Variants in CTNNBIP1 observed in about 807,000 individuals in gnomAD.
CTNNBIP1 encodes the protein catenin beta interacting protein 1, also known as beta-catenin-interacting protein 1.
Under a neutral mutation model 11.8 loss-of-function variants are expected in CTNNBIP1, and 7 were observed. The observed-to-expected ratio is 0.60, with a 90% confidence interval of 0.34 to 1.12. The LOEUF (loss-of-function observed/expected upper bound fraction) is 1.12, where lower values mean the gene tolerates loss of function less well. Ranked by LOEUF, CTNNBIP1 falls within the 50% of genes most tolerant of loss-of-function variation. CTNNBIP1 has a pLI of 0.03. For missense variants in CTNNBIP1, 101 were observed against 113.4 expected (o/e 0.89, Z 0.50); for synonymous variants, 58 against 43.9 (o/e 1.32, Z -1.26).
Position 9,848,344 on chromosome 1 carries a change from C to T in CTNNBIP1, c.*2374G>A, listed in dbSNP as rs1489744230. ...TATATTTTTAGTTGAAATATGGAGCCACAGCAACACTTTGACTTTTCCTCT... is the reference window on the plus strand; with the variant it reads ...TATATTTTTAGTTGAAATATGGAGCTACAGCAACACTTTGACTTTTCCTCT... On this transcript the variant is annotated 3_prime_UTR_variant, in exon 6 of 6. Transcript: ENST00000377263. This position sits in a 1 kb window ranked among gnomAD's most constrained non-coding sequence, Gnocchi z 4.3. The T allele has an allele frequency of 6.6e-6, 1 of 152,162 alleles. No individual in the cohort carries two copies. Among genetic ancestry groups the T allele is most frequent in the African/African-American group, 2.4e-5 (1 of 41,424 alleles). 9.4% of individuals were successfully genotyped at this position (152,162 alleles called of 1,614,324 possible). A position where few individuals can be genotyped will look rare whatever the true frequency, so the allele number is the denominator to read the frequency against.
chr1:9,877,490 T>C (rs1488640573), intron 3 of CTNNBIP1, among the ~76,000 whole-genome samples: 2 of 152,254 alleles, frequency 1.3e-5, no homozygotes, highest in African/African-American at 2.4e-5. Flanking sequence ...GGAGCAAAGC[T>C]GCTCCTTCAG....
At chr1:9,901,687 G>C (rs1039942659) in intron 1 of CTNNBIP1, among the ~76,000 whole-genome samples, 4 of 152,190 alleles carry the variant, frequency 2.6e-5, no homozygotes, top group African/African-American at 9.6e-5. Context: ...TCTTCTAGCT[G>C]AAACAGCGTC....
chr1:9,884,332 AGT>A, intron 1 of CTNNBIP1, among the ~76,000 whole-genome samples: 1 of 152,270 alleles, frequency 6.6e-6, no homozygotes, highest in East Asian at 1.9e-4. Flanking sequence ...GGGGCAGGGC[AGT>A]CTGGGGAGGA....
rs543221697 is a variant in CTNNBIP1 at position 9,902,126 on chromosome 1, A to G, written c.-144+7969T>C. 8.1e-4 allele frequency among the ~76,000 whole-genome samples: 123 copies of G among 152,206 alleles called. 4 individuals carry two copies. In the South Asian group the frequency reaches 0.023, roughly 28 times the overall value. ...ACTCTAATCTGTATATATTGACCCA[A>G]AATGGGGGCCAGAGGACATAGGTGT... On this transcript the variant is annotated intron_variant, in intron 1 of 5. Transcript: ENST00000377263.
chr1:9,892,579 C>G (rs1265800616), intron 1 of CTNNBIP1, among the ~76,000 whole-genome samples: 1 of 148,880 alleles, frequency 6.7e-6, no homozygotes, highest in Non-Finnish European at 1.5e-5. Context: ...GGCAACAGAG[C>G]GAGACTGTCT....
intron 3 of CTNNBIP1, among the ~76,000 whole-genome samples, chr1:9,873,704 C>T (rs1422803956): frequency 2.0e-5 from 3 of 152,112 alleles, no homozygotes; most frequent in African/African-American, 7.2e-5. Context: ...CCTTTCTTGT[C>T]CTTTTCTCTA....
At chr1:9,891,157 G>A (rs1243953370) in intron 1 of CTNNBIP1, among the ~76,000 whole-genome samples, 2 of 151,742 alleles carry the variant, frequency 1.3e-5, no homozygotes, top group South Asian at 2.1e-4. Context: ...TTTTGGCGGG[G>A]GTGGGGGGCA....
intron 1 of CTNNBIP1, among the ~76,000 whole-genome samples, chr1:9,906,408 A>G (rs1163335763): frequency 3.3e-5 from 5 of 152,144 alleles, no homozygotes; most frequent in Non-Finnish European, 5.9e-5. Flanking sequence ...AAATACAAAA[A>G]TTAGCCAGAC....
In CTNNBIP1 at chr1:9,850,672, T is replaced by C. The variant is rs761882711; in HGVS notation, c.*46A>G. The stretch of plus-strand genomic sequence containing the variant: ...TCAGCCGGCCCAGGAGCCACACAGA[T>C]CTCTTGGCCCTCAACAGCATCCAGG... On this transcript the variant is annotated 3_prime_UTR_variant, in exon 6 of 6. Coordinates refer to ENST00000377263, the MANE Select transcript of CTNNBIP1 (RefSeq NM_020248.3). The C allele has an allele frequency of 3.5e-5, 55 of 1,581,058 alleles. No individual in the cohort carries two copies. The highest frequency in any genetic ancestry group is 8.3e-5 in the Admixed American group (5 of 59,960).
Position 9,883,242 on chromosome 1 carries a change from G to A in CTNNBIP1, c.-110+463C>T, listed in dbSNP as rs1458124560. On this transcript the variant is annotated intron_variant, in intron 2 of 5. Coordinates refer to ENST00000377263, the MANE Select transcript of CTNNBIP1 (RefSeq NM_020248.3). This position sits in a 1 kb window ranked among gnomAD's most constrained non-coding sequence, Gnocchi z 5.6. ...GGCAGAGTGGTCTCCCAGGAAGACCGGAGTCTGGGTGGATTCATGTGAAGC... is the reference window on the plus strand; with the variant it reads ...GGCAGAGTGGTCTCCCAGGAAGACCAGAGTCTGGGTGGATTCATGTGAAGC... Among the ~76,000 whole-genome samples the A allele has an allele frequency of 6.6e-6, 1 of 152,164 alleles. No homozygotes were observed. Among genetic ancestry groups the A allele is most frequent in the Non-Finnish European group, 1.5e-5 (1 of 68,014 alleles).
At chr1:9,857,728 G>A (rs1638539119) in intron 5 of CTNNBIP1, among the ~76,000 whole-genome samples, 1 of 152,154 alleles carries the variant, frequency 6.6e-6, no homozygotes, top group South Asian at 2.1e-4. Flanking sequence ...TTGAACCCAG[G>A]AGGTGGAGGC....
intron 1 of CTNNBIP1, among the ~76,000 whole-genome samples, chr1:9,898,811 T>C (rs1420644395): frequency 1.3e-5 from 2 of 152,242 alleles, no homozygotes; most frequent in African/African-American, 4.8e-5. Flanking sequence ...TCCTGCCATA[T>C]ACTTTAAATC....
Position 9,850,613 on chromosome 1 carries a change from A to G in CTNNBIP1, c.*105T>C. ...GGGGCAGGGCAGGGTTGGGTAGGGG[A>G]AGGGGGAGGTGGGGCAAGGGGGGCT... On this transcript the variant is annotated 3_prime_UTR_variant, in exon 6 of 6. Transcript: ENST00000377263. The G allele has an allele frequency of 1.0e-6, 1 of 984,068 alleles. No individual in the cohort carries two copies. The highest frequency in any genetic ancestry group is 1.6e-5 in the African/African-American group (1 of 62,050). 61.0% of individuals were successfully genotyped at this position (984,068 alleles called of 1,614,324 possible).
chr1:9,860,045 CTCCAGATCCAGGA>C (rs950564863), intron 5 of CTNNBIP1, among the ~76,000 whole-genome samples: 3 of 152,306 alleles, frequency 2.0e-5, no homozygotes, highest in Admixed American at 1.3e-4. Context: ...CAGGGAACTT[CTCCAGATCCAGGA>C]TCCTGCAAAG....
chr1:9,853,517 A>G (rs1638434311), intron 5 of CTNNBIP1, among the ~76,000 whole-genome samples: 1 of 152,208 alleles, frequency 6.6e-6, no homozygotes, highest in African/African-American at 2.4e-5. Context: ...GTTGAGTCCT[A>G]CAGTCTTTCC....
chr1:9,878,643 A>T (rs1206552484), intron 2 of CTNNBIP1, among the ~76,000 whole-genome samples: 1 of 152,196 alleles, frequency 6.6e-6, no homozygotes, highest in Non-Finnish European at 1.5e-5. Flanking sequence ...CCTCCTACAC[A>T]GGAGCTCATC....
At chr1:9,875,284 T>C (rs1029295706) in intron 3 of CTNNBIP1, among the ~76,000 whole-genome samples, 2 of 152,206 alleles carry the variant, frequency 1.3e-5, no homozygotes, top group Non-Finnish European at 2.9e-5. Flanking sequence ...AGGGAAGGAC[T>C]GGTGTCTGGT....
intron 1 of CTNNBIP1, among the ~76,000 whole-genome samples, chr1:9,900,624 C>T (rs1639504212): frequency 1.3e-5 from 2 of 152,210 alleles, no homozygotes; most frequent in Non-Finnish European, 2.9e-5. Context: ...AGCAGCAGAC[C>T]TCAGGAGGGA....
At chr1:9,852,271 G>A (rs1281484675) in intron 5 of CTNNBIP1, among the ~76,000 whole-genome samples, 3 of 152,170 alleles carry the variant, frequency 2.0e-5, no homozygotes, top group Non-Finnish European at 4.4e-5. Context: ...AGAGATGGAG[G>A]GCCCAACTAC....
Sources: allele counts gnomAD v4.1 joint callset (sites outside exome capture counted in the v4.1 genomes callset), GRCh38; gene constraint gnomAD v4.1.1; non-coding constraint Gnocchi (gnomAD v3.1); transcripts MANE v1.5; gene names NCBI Gene and HGNC (gene_info 2026-07-23, HGNC 2026-07-21).